The following PPP1R3A variants were observed in gnomAD, a reference collection of about 807,000 sequenced individuals.
PPP1R3A encodes the protein RG1.
PPP1R3A carries 29 observed loss-of-function variants against 41.7 expected under a neutral mutation model. The observed-to-expected ratio is 0.70, with a 90% CI of 0.52 to 0.95. The LOEUF is 0.95. Among genes scored for constraint, PPP1R3A ranks in the 40% least tolerant of loss-of-function variants. PPP1R3A has a pLI of 0.00. For missense variants in PPP1R3A, 1,352 were observed against 1,292.4 expected (o/e 1.05, Z -0.71); for synonymous variants, 485 against 453.4 (o/e 1.07, Z -0.89).
At chr7:113,890,447 T>G (rs1796860841) in intron 1 of PPP1R3A, among the ~76,000 whole-genome samples, 1 of 152,172 alleles carries the variant, frequency 6.6e-6, no homozygotes, top group African/African-American at 2.4e-5. Context: ...ACCTCAGAGT[T>G]AGCTGAGGTG....
chr7:113,889,920 A>G (rs1008014043), intron 1 of PPP1R3A, among the ~76,000 whole-genome samples: 2 of 152,098 alleles, frequency 1.3e-5, no homozygotes, highest in Non-Finnish European at 2.9e-5. Context: ...CAACAGCGCC[A>G]GGGTATGATA....
At chr7:113,883,245 T>A (rs1008310782) in intron 1 of PPP1R3A, among the ~76,000 whole-genome samples, 4 of 151,990 alleles carry the variant, frequency 2.6e-5, no homozygotes, top group Non-Finnish European at 4.4e-5. Context: ...CTCAACTGAA[T>A]TTCCTTATGG....
intron 1 of PPP1R3A, among the ~76,000 whole-genome samples, chr7:113,903,979 C>T (rs1055426931): frequency 1.3e-5 from 2 of 151,666 alleles, no homozygotes; most frequent in Non-Finnish European, 3.0e-5. Flanking sequence ...CTCTGTGGTG[C>T]TGTCTCTAAT....
chr7:113,905,569 T>G (rs2129119312), intron 1 of PPP1R3A, among the ~76,000 whole-genome samples: 1 of 151,942 alleles, frequency 6.6e-6, no homozygotes, highest in African/African-American at 2.4e-5. Context: ...TAAAATACCT[T>G]TTAAGTAGTA....
chr7:113,910,133 A>G (rs1253831449), intron 1 of PPP1R3A, among the ~76,000 whole-genome samples: 2 of 152,050 alleles, frequency 1.3e-5, no homozygotes, highest in East Asian at 3.9e-4. Flanking sequence ...CACTACCACG[A>G]GAACAGTATG....
intron 1 of PPP1R3A, among the ~76,000 whole-genome samples, chr7:113,908,464 C>T (rs1053831913): frequency 7.2e-5 from 11 of 151,852 alleles, no homozygotes; most frequent in African/African-American, 2.7e-4. Flanking sequence ...AATGGCTGTA[C>T]CAATATTCTG....
intron 3 of PPP1R3A, among the ~76,000 whole-genome samples, chr7:113,880,462 TAGAC>T (rs1180312882): frequency 6.6e-6 from 1 of 152,088 alleles, no homozygotes; most frequent in African/African-American, 2.4e-5. Context: ...GCTAATCAAT[TAGAC>T]AGCAGCTTCC....
intron 1 of PPP1R3A, among the ~76,000 whole-genome samples, chr7:113,914,143 G>A (rs984001388): frequency 2.6e-5 from 4 of 152,084 alleles, no homozygotes; most frequent in Admixed American, 6.6e-5. Flanking sequence ...TGTGATGAAG[G>A]GCTTTTGATG....
intron 1 of PPP1R3A, among the ~76,000 whole-genome samples, chr7:113,898,478 T>C (rs1023526508): frequency 2.0e-5 from 3 of 151,782 alleles, no homozygotes; most frequent in South Asian, 2.1e-4. Context: ...GAGAGAGATA[T>C]AAGTGTCCAA....
intron 3 of PPP1R3A, among the ~76,000 whole-genome samples, chr7:113,881,407 A>G (rs1261450607): frequency 1.3e-5 from 2 of 152,020 alleles, no homozygotes; most frequent in East Asian, 1.9e-4. Flanking sequence ...CTTTGTGATA[A>G]AAGTGCTGTA....
chr7:113,883,446 T>C (rs1019310772), intron 1 of PPP1R3A, among the ~76,000 whole-genome samples: 1 of 152,030 alleles, frequency 6.6e-6, no homozygotes, highest in African/African-American at 2.4e-5. Context: ...AAGAAGATAA[T>C]TCAGTTTTAT....
Position 113,918,644 on chromosome 7 carries a change from T to C in PPP1R3A, c.353A>G (p.Asp118Gly). ...PLFDLPSSKE[D>G]LMQQLQIQKA... is the part of the protein sequence containing the mutation. ...CTGTATTTGGAGTTGTTGCATAAGA[T>C]CTTCTTTTGAAGAAGGCAAGTCAAA... Residue 118 changes from aspartate to glycine, a missense_variant, in exon 1 of 4, where the codon GAT (aspartate) becomes GGT (glycine). By Grantham distance (94) the Asp-to-Gly change is moderately conservative (BLOSUM62 -1). Transcript: ENST00000284601. 2 of 1,613,640 alleles carry C rather than the reference T, an allele frequency of 1.2e-6. No homozygotes were observed. Among genetic ancestry groups the C allele is most frequent in the Non-Finnish European group, 1.7e-6 (2 of 1,179,738 alleles).
At chr7:113,897,436 G>C (rs1407013747) in intron 1 of PPP1R3A, among the ~76,000 whole-genome samples, 1 of 151,512 alleles carries the variant, frequency 6.6e-6, no homozygotes, top group Admixed American at 6.6e-5. Flanking sequence ...TCTTATTCTG[G>C]CTAATGTTAA....
Position 113,877,709 on chromosome 7 carries a change from T to A in PPP1R3A, c.*14A>T. The stretch of plus-strand genomic sequence containing the variant: ...AAATAGCTTATCTTTTAAGAGAGAA[T>A]AGTAGTGCTGAGGTTACTTCTTTTT... On this transcript the variant is annotated 3_prime_UTR_variant, in exon 4 of 4. Coordinates refer to ENST00000284601, the MANE Select transcript of PPP1R3A (RefSeq NM_002711.4). 1 of 1,530,800 alleles carries A rather than the reference T, an allele frequency of 6.5e-7. No homozygotes were observed. The highest frequency in any genetic ancestry group is 8.7e-7 in the Non-Finnish European group (1 of 1,143,440). 94.8% of individuals were successfully genotyped at this position (1,530,800 alleles called of 1,614,324 possible). A position where few individuals can be genotyped will look rare whatever the true frequency, so the allele number is the denominator to read the frequency against.
chr7:113,879,206 T>A lies in PPP1R3A; in HGVS notation c.1886A>T (p.Asp629Val), dbSNP rs200678247. ...TTTTTCTTCAACTTGGAAAAGATAA[T>A]CATTCCTCAAAACATTTCCAGTTCT... ...SSRTGNVLRN[D>V]YLFQVEEKSG... Residue 629 changes from aspartate (D) to valine (V), a missense_variant, in exon 4 of 4, where the codon GAT becomes GTT. Physicochemically the swap from Asp to Val is radical, Grantham distance 152. Coordinates refer to ENST00000284601, the MANE Select transcript of PPP1R3A (RefSeq NM_002711.4). 17 of 1,613,618 alleles carry A rather than the reference T, an allele frequency of 1.1e-5. No individual in the cohort carries two copies. The East Asian group carries it at 3.6e-4, about 34-fold the overall frequency.
chr7:113,917,084 A>T (rs948029777), intron 1 of PPP1R3A, among the ~76,000 whole-genome samples: 24 of 152,040 alleles, frequency 1.6e-4, no homozygotes, highest in African/African-American at 4.6e-4. Context: ...CACAATTTTT[A>T]AAAAAATTTC....
Position 113,878,118 on chromosome 7 carries a change from A to G in PPP1R3A, c.2974T>C (p.Cys992Arg), listed in dbSNP as rs1321061763. 3.1e-6 allele frequency: 5 copies of G among 1,613,362 alleles called. No individual in the cohort carries two copies. In the South Asian group the frequency reaches 3.3e-5, roughly 11 times the overall value. Residue 992 changes from cysteine to arginine, a missense_variant, in exon 4 of 4, where the codon TGC becomes CGC. Physicochemically the swap from Cys to Arg is radical, Grantham distance 180. Transcript: ENST00000284601. ...IVTSGSRKER[C>R]IGQIFQTEEY... is the part of the protein sequence containing the mutation. Reference sequence around the variant, plus strand: ...TCTGTTTGGAAAATCTGGCCTATGCATCTTTCTTTTCTACTACCTGATGTC... The same window carrying G: ...TCTGTTTGGAAAATCTGGCCTATGCGTCTTTCTTTTCTACTACCTGATGTC...
In PPP1R3A at chr7:113,918,694, T is replaced by C; in HGVS notation, c.303A>G (p.Thr101=). The change falls in exon 1 of 4, where the codon ACA becomes ACG. Residue 101 remains threonine (T), a synonymous_variant. Transcript: ENST00000284601. ...TFDLGTDIFH[T]EEYVLAPLFD... ...ACAGTGGGGCTAAAACATATTCTTC[T>C]GTGTGGAAAATGTCCGTCCCTAAGT... 6.2e-7 allele frequency: 1 copy of C among 1,613,788 alleles called. No individual in the cohort carries two copies. The highest frequency in any genetic ancestry group is 2.2e-5 in the East Asian group (1 of 44,866).
chr7:113,913,670 A>T (rs749717558), intron 1 of PPP1R3A, among the ~76,000 whole-genome samples: 27 of 152,128 alleles, frequency 1.8e-4, no homozygotes, highest in Admixed American at 7.2e-4. Flanking sequence ...AGCCATTAGG[A>T]ACATACATTT....
Sources: allele counts gnomAD v4.1 joint callset (sites outside exome capture counted in the v4.1 genomes callset), GRCh38; gene constraint gnomAD v4.1.1; transcripts MANE v1.5; gene names NCBI Gene and HGNC (gene_info 2026-07-23, HGNC 2026-07-21).